ADGRB3: variants seen among roughly 807,000 people sequenced by gnomAD.
ADGRB3 encodes brain-specific angiogenesis inhibitor 3.
A neutral mutation model predicts 193.4 loss-of-function variants in ADGRB3; 37 were observed. The ratio of observed to expected loss-of-function variants is 0.19; its 90% CI spans 0.15 to 0.25. ADGRB3 has a LOEUF of 0.25. Among genes scored for constraint, ADGRB3 ranks in the 10% least tolerant of loss-of-function variants. The probability of loss-of-function intolerance (pLI) is 1.00; values close to 1 mark genes in which losing one functional copy is unlikely to be tolerated. For synonymous variants in ADGRB3, 690 were observed against 644.2 expected (o/e 1.07, Z -1.08); for missense variants, 1,637 against 1,852.9 (o/e 0.88, Z 2.14).
At chr6:68,906,514 G>A (rs1245990358) in intron 3 of ADGRB3, among the ~76,000 whole-genome samples, 2 of 151,944 alleles carry the variant, frequency 1.3e-5, no homozygotes, top group East Asian at 3.9e-4. Context: ...TAGACTTACT[G>A]GGTCAAAGAA....
intron 17 of ADGRB3, among the ~76,000 whole-genome samples, chr6:69,211,325 C>T (rs190784054): frequency 4.0e-4 from 61 of 152,148 alleles, no homozygotes; most frequent in Admixed American, 3.9e-3. Flanking sequence ...AATCTATACC[C>T]CTGATGCAGT....
At chr6:68,713,401 A>T (rs866972762) in intron 3 of ADGRB3, among the ~76,000 whole-genome samples, 1 of 151,734 alleles carries the variant, frequency 6.6e-6, no homozygotes, top group Non-Finnish European at 1.5e-5. Context: ...TCTTAGGCAT[A>T]GTTTATATGG....
chr6:68,903,039 G>A (rs1160927276), intron 3 of ADGRB3, among the ~76,000 whole-genome samples: 1 of 152,106 alleles, frequency 6.6e-6, no homozygotes, highest in African/African-American at 2.4e-5. Context: ...TAGATATGTA[G>A]AACATGTAAT....
At chr6:69,242,198 A>G (rs920300864) in intron 20 of ADGRB3, among the ~76,000 whole-genome samples, 3 of 151,956 alleles carry the variant, frequency 2.0e-5, no homozygotes, top group Non-Finnish European at 4.4e-5. Flanking sequence ...TGTTGTCTGT[A>G]TAAACTTATG....
At chr6:69,376,012 C>A (rs1361445859) in intron 30 of ADGRB3, among the ~76,000 whole-genome samples, 1 of 139,430 alleles carries the variant, frequency 7.2e-6, no homozygotes, top group African/African-American at 2.7e-5. Context: ...ACGGATATGT[C>A]TTTTTTAATC....
In ADGRB3 at chr6:69,389,089, C is replaced by T. The variant is rs1460571387; in HGVS notation, c.*198C>T. 1 of 481,048 alleles carries T rather than the reference C, an allele frequency of 2.1e-6. No homozygotes were observed. The highest frequency in any genetic ancestry group is 3.8e-5 in the Admixed American group (1 of 26,432). 29.8% of individuals were successfully genotyped at this position (481,048 alleles called of 1,614,324 possible). ...AGATGACCAGGTGTACAGTTCTGACCATCCTGTGTTGTAAGTACCCGTGGA... is the reference window on the plus strand; with the variant it reads ...AGATGACCAGGTGTACAGTTCTGACTATCCTGTGTTGTAAGTACCCGTGGA... On this transcript the variant is annotated 3_prime_UTR_variant, in exon 32 of 32. Coordinates refer to ENST00000370598, the MANE Select transcript of ADGRB3 (RefSeq NM_001704.3).
At chr6:69,289,791 T>G (rs1191127632) in intron 20 of ADGRB3, among the ~76,000 whole-genome samples, 1 of 151,700 alleles carries the variant, frequency 6.6e-6, no homozygotes, top group Non-Finnish European at 1.5e-5. Context: ...TCCGCTGGTT[T>G]TCCAATTGTG....
intron 25 of ADGRB3, 118 bp downstream of exon 25, chr6:69,339,132 T>C (rs1768918480): frequency 8.4e-7 from 1 of 1,195,820 alleles, no homozygotes; most frequent in Non-Finnish European, 1.2e-6. Flanking sequence ...TATTTAAATA[T>C]TTATAATTGG....
intron 16 of ADGRB3, among the ~76,000 whole-genome samples, chr6:69,072,125 A>G (rs1772095478): frequency 6.6e-6 from 1 of 151,946 alleles, no homozygotes; most frequent in Non-Finnish European, 1.5e-5. Flanking sequence ...GTTTTCTCTC[A>G]TTTGTTTGTT....
In ADGRB3 at chr6:69,278,455, C is replaced by T. The variant is rs542552181; in HGVS notation, c.2814+39229C>T. 5.7e-4 allele frequency among the ~76,000 whole-genome samples: 87 copies of T among 152,194 alleles called. No homozygotes were observed. In the South Asian group the frequency reaches 0.017, roughly 29 times the overall value. On this transcript the variant is annotated intron_variant, in intron 20 of 31. Transcript: ENST00000370598. ...ATATGACAATTGAGATATTAGTATT[C>T]CTCTGTTATCTTGTACATTATTCCC...
intron 26 of ADGRB3, 145 bp downstream of exon 26, chr6:69,339,649 G>T (rs1270591570): frequency 2.9e-6 from 3 of 1,025,914 alleles, no homozygotes; most frequent in Admixed American, 4.6e-5. Flanking sequence ...CTGAAGGAAT[G>T]CTTTAAGACA....
chr6:69,101,326 A>C (rs1384124749), intron 17 of ADGRB3, among the ~76,000 whole-genome samples: 1 of 152,072 alleles, frequency 6.6e-6, no homozygotes, highest in Admixed American at 6.6e-5. Context: ...AATTTGCCTA[A>C]ATTTTATCTT....
At chr6:68,765,989 A>G (rs1373607799) in intron 3 of ADGRB3, among the ~76,000 whole-genome samples, 1 of 151,992 alleles carries the variant, frequency 6.6e-6, no homozygotes, top group Non-Finnish European at 1.5e-5. Context: ...TAGCTTGTCT[A>G]TTCTAAAATC....
At chr6:69,024,281 C>G (rs1770358682) in intron 13 of ADGRB3, among the ~76,000 whole-genome samples, 1 of 152,078 alleles carries the variant, frequency 6.6e-6, no homozygotes, top group Non-Finnish European at 1.5e-5. Flanking sequence ...ATTGATCGCT[C>G]TACTTAATAT....
At chr6:69,036,146 CT>C (rs1027704179) in intron 13 of ADGRB3, among the ~76,000 whole-genome samples, 40 of 152,244 alleles carry the variant, frequency 2.6e-4, no homozygotes, top group African/African-American at 9.1e-4. Flanking sequence ...TGCAAGGACT[CT>C]TTCTTTCTCA....
At chr6:68,827,032 A>T (rs62418567) in intron 3 of ADGRB3, among the ~76,000 whole-genome samples, 14,480 of 152,118 alleles carry the variant, frequency 0.095, 928 homozygotes, top group Non-Finnish European at 0.13. Flanking sequence ...AAGCGTATTG[A>T]TTTTATTTTA....
intron 3 of ADGRB3, among the ~76,000 whole-genome samples, chr6:68,822,803 A>T (rs1484542986): frequency 6.6e-6 from 1 of 152,006 alleles, no homozygotes; most frequent in African/African-American, 2.4e-5. Flanking sequence ...TAGATTCGGG[A>T]TTCAATGATT....
chr6:68,839,106 A>T (rs1172943459), intron 3 of ADGRB3, among the ~76,000 whole-genome samples: 9 of 138,656 alleles, frequency 6.5e-5, no homozygotes, highest in Non-Finnish European at 1.5e-5. Flanking sequence ...ACACACACAC[A>T]CACATTCCCA....
chr6:68,659,185 A>C (rs552659112), intron 3 of ADGRB3, among the ~76,000 whole-genome samples: 1 of 151,074 alleles, frequency 6.6e-6, no homozygotes, highest in Non-Finnish European at 1.5e-5. Context: ...AATTGTGGTA[A>C]CACTCAATTA....
Sources: gnomAD v4.1 joint callset for allele counts (sites outside exome capture counted in the v4.1 genomes callset) on GRCh38, gnomAD v4.1.1 for gene constraint, MANE v1.5 for transcripts, NCBI Gene and HGNC (gene_info 2026-07-23, HGNC 2026-07-21) for gene names.